The following OCA2 variants were observed in gnomAD, a reference collection of about 807,000 sequenced individuals.
OCA2 encodes P protein.
OCA2 carries 77 observed loss-of-function variants against 100.2 expected under a neutral mutation model. The ratio of observed to expected loss-of-function variants is 0.77; its 90% CI spans 0.64 to 0.93. OCA2 has a LOEUF of 0.93. OCA2 is among the 40% of genes least tolerant of loss of function. OCA2 has a pLI of 0.00. For synonymous variants in OCA2, 432 were observed against 439.2 expected, an observed-to-expected ratio of 0.98 and a Z score of 0.21; for missense variants, 1,062 against 1,089.1, an observed-to-expected ratio of 0.98 and a Z score of 0.35.
chr15:27,728,614 C>A, the OCA2 span, among the ~76,000 whole-genome samples: 1 of 152,202 alleles, frequency 6.6e-6, no homozygotes, highest in African/African-American at 2.4e-5. Context: ...GGCTTGCCCA[C>A]AGATCTTTCC....
chr15:28,036,604 C>G (rs944998648), intron 2 of OCA2, among the ~76,000 whole-genome samples: 1 of 152,084 alleles, frequency 6.6e-6, no homozygotes, highest in Non-Finnish European at 1.5e-5. Flanking sequence ...CCTCTTCTGC[C>G]CTCTTCTTCA....
At chr15:27,735,581 A>T in the OCA2 span, among the ~76,000 whole-genome samples, 14 of 152,184 alleles carry the variant, frequency 9.2e-5, no homozygotes, top group African/African-American at 3.4e-4. Context: ...ACTGTCAAAA[A>T]CCAAAACAAA....
intron 15 of OCA2, among the ~76,000 whole-genome samples, chr15:27,966,392 ATGTTAG>A (rs1356452995): frequency 6.6e-6 from 1 of 152,202 alleles, no homozygotes; most frequent in Non-Finnish European, 1.5e-5. Flanking sequence ...TGCAGTCTAT[ATGTTAG>A]TGTATTTGTA....
At chr15:27,768,448 A>T (rs2031455930) in intron 23 of OCA2, among the ~76,000 whole-genome samples, 1 of 152,142 alleles carries the variant, frequency 6.6e-6, no homozygotes, top group South Asian at 2.1e-4. Flanking sequence ...CTCACCTATT[A>T]TCTTCTCCTG....
chr15:28,000,740 G>A (rs1379387261), intron 9 of OCA2, among the ~76,000 whole-genome samples: 1 of 152,070 alleles, frequency 6.6e-6, no homozygotes, highest in East Asian at 1.9e-4. Flanking sequence ...TTGAACATAT[G>A]TAAGGAACTC....
chr15:27,834,717 G>C (rs2035082462), intron 23 of OCA2, among the ~76,000 whole-genome samples: 1 of 152,174 alleles, frequency 6.6e-6, no homozygotes, highest in Non-Finnish European at 1.5e-5. Context: ...GGAGTAAGGA[G>C]TAGAAAAAGC....
intron 22 of OCA2, 31 bp downstream of exon 22, chr15:27,851,351 C>T (rs529842736): frequency 4.5e-6 from 7 of 1,558,674 alleles, no homozygotes; most frequent in Non-Finnish European, 5.3e-6. Context: ...GGGCGTGCAC[C>T]CCCACCCCCA....
the OCA2 span, among the ~76,000 whole-genome samples, chr15:27,746,975 T>C: frequency 6.6e-6 from 1 of 152,158 alleles, no homozygotes; most frequent in Non-Finnish European, 1.5e-5. Context: ...ATTCAGATGT[T>C]CCCTCCCAAT....
chr15:27,857,893 AG>A (rs1310071278), intron 21 of OCA2, among the ~76,000 whole-genome samples: 2 of 152,212 alleles, frequency 1.3e-5, no homozygotes, highest in Admixed American at 1.3e-4. Context: ...TATTCATGAC[AG>A]GTTGTTATAT....
chr15:28,018,349 G>A (rs747516980), intron 7 of OCA2, 48 bp downstream of exon 7: 11 of 1,577,884 alleles, frequency 7.0e-6, no homozygotes, highest in Non-Finnish European at 9.6e-6. Flanking sequence ...TTTATTATGA[G>A]ATGAAATGAG....
Position 27,990,595 on chromosome 15 carries a change from G to T in OCA2, c.1097C>A (p.Ala366Glu). ...AMLGSLAALA[A>E]LAVIGDRPSL... ...ACTTACATCGCCAATCACAGCCAGT[G>T]CTGCCAGTGCTGCAAGGGAACCCAG... The change falls in exon 10 of 24, where the codon GCA (alanine) becomes GAA (glutamate). Residue 366 changes from alanine (A) to glutamate (E), a missense_variant. By Grantham distance (107) the Ala-to-Glu change is moderately radical. Transcript: ENST00000354638. The T allele has an allele frequency of 6.2e-7, 1 of 1,614,034 alleles. No individual in the cohort carries two copies.
chr15:27,727,437 C>G, the OCA2 span, among the ~76,000 whole-genome samples: 18 of 152,206 alleles, frequency 1.2e-4, no homozygotes, highest in Non-Finnish European at 2.5e-4. Flanking sequence ...ACAGATGTTA[C>G]CCTCTCATCA....
chr15:27,907,367 A>G (rs1344146862), intron 19 of OCA2, among the ~76,000 whole-genome samples: 1 of 152,214 alleles, frequency 6.6e-6, no homozygotes, highest in Non-Finnish European at 1.5e-5. Context: ...AATTTAAGGG[A>G]TGCATTTAAA....
At chr15:27,802,079 T>C (rs911713124) in intron 23 of OCA2, among the ~76,000 whole-genome samples, 4 of 152,162 alleles carry the variant, frequency 2.6e-5, no homozygotes, top group African/African-American at 9.7e-5. Context: ...ACAAAAAGAC[T>C]ACTAGACCTA....
chr15:27,780,907 C>A (rs566127468), intron 23 of OCA2, among the ~76,000 whole-genome samples: 1 of 152,020 alleles, frequency 6.6e-6, no homozygotes, highest in African/African-American at 2.4e-5. Context: ...TATCTCTCCA[C>A]GAAATTATGA....
intron 23 of OCA2, among the ~76,000 whole-genome samples, chr15:27,785,009 C>T (rs1450618200): frequency 6.6e-6 from 1 of 151,922 alleles, no homozygotes; most frequent in Non-Finnish European, 1.5e-5. Context: ...AGAATAAATG[C>T]CAACAAGCAA....
At chr15:27,858,364 ACT>A (rs2036014497) in intron 21 of OCA2, among the ~76,000 whole-genome samples, 1 of 150,832 alleles carries the variant, frequency 6.6e-6, no homozygotes, top group African/African-American at 2.4e-5. Flanking sequence ...ATAGAGTGAA[ACT>A]CTGCCTCCAA....
At chr15:27,929,811 A>C (rs202037037) in intron 18 of OCA2, among the ~76,000 whole-genome samples, 4 of 74,746 alleles carry the variant, frequency 5.4e-5, no homozygotes, top group African/African-American at 1.6e-4. Context: ...TAAACAACAC[A>C]ATTCAAATGG....
At chr15:27,959,964 A>G (rs1222392503) in intron 15 of OCA2, among the ~76,000 whole-genome samples, 1 of 152,198 alleles carries the variant, frequency 6.6e-6, no homozygotes, top group African/African-American at 2.4e-5. Context: ...GTTCACCCAG[A>G]ACTCAGTTTA....
Sources: allele counts gnomAD v4.1 joint callset (sites outside exome capture counted in the v4.1 genomes callset), GRCh38; gene constraint gnomAD v4.1.1; transcripts MANE v1.5; gene names NCBI Gene and HGNC (gene_info 2026-07-23, HGNC 2026-07-21).